The following DPYD variants were observed in gnomAD, a reference collection of about 807,000 sequenced individuals.
The protein encoded by DPYD is dihydropyrimidine dehydrogenase.
In DPYD, 109 loss-of-function variants were observed where a neutral mutation model predicts 116.2. The observed-to-expected ratio is 0.94, with a 90% CI of 0.80 to 1.10. The LOEUF (loss-of-function observed/expected upper bound fraction) is 1.10. Ranked by LOEUF, DPYD falls within the 50% of genes least tolerant of loss-of-function variation. The pLI, the probability that DPYD is intolerant of heterozygous loss-of-function variation, is 0.00. For synonymous variants in DPYD, 440 were observed against 432.0 expected, an observed-to-expected ratio of 1.02 and a Z score of -0.23; for missense variants, 1,302 against 1,254.5, an observed-to-expected ratio of 1.04 and a Z score of -0.57.
In DPYD at chr1:97,078,980, C is replaced by T. The variant is rs1229277773; in HGVS notation, c.3074G>A (p.Cys1025Tyr). Residue 1025 changes from cysteine (C) to tyrosine (Y), a missense_variant, in exon 23 of 23, where the codon TGT becomes TAT. Transcript: ENST00000370192. Reference protein sequence around the residue: ...RGVPLSVNPVC With the variant: ...RGVPLSVNPVY ...GCAACTGTTTCACAAATCACCTTAACACACCGGATTCACAGATAAGGGTAC... is the reference window on the plus strand; with the variant it reads ...GCAACTGTTTCACAAATCACCTTAATACACCGGATTCACAGATAAGGGTAC... 1.2e-6 allele frequency: 2 copies of T among 1,613,580 alleles called. No homozygotes were observed. The highest frequency in any genetic ancestry group is 3.3e-5 in the Admixed American group (2 of 59,998).
intron 10 of DPYD, among the ~76,000 whole-genome samples, chr1:97,584,448 C>T (rs139725653): frequency 0.02 from 3,084 of 152,002 alleles, 97 homozygotes; most frequent in African/African-American, 0.07. Context: ...GCTTTTGTTG[C>T]CATTGTTTTT....
chr1:97,607,800 C>A (rs189406734), intron 8 of DPYD, among the ~76,000 whole-genome samples: 1 of 151,836 alleles, frequency 6.6e-6, no homozygotes, highest in African/African-American at 2.4e-5. Flanking sequence ...CATTATACAG[C>A]GCATAACACT....
At chr1:97,492,770 T>A (rs1220356399) in intron 13 of DPYD, among the ~76,000 whole-genome samples, 1 of 152,064 alleles carries the variant, frequency 6.6e-6, no homozygotes, top group African/African-American at 2.4e-5. Context: ...TTCAAAAAAA[T>A]GGAAACTCTT....
chr1:97,470,095 T>A (rs1269591569), intron 13 of DPYD, among the ~76,000 whole-genome samples: 1 of 152,204 alleles, frequency 6.6e-6, no homozygotes, highest in Non-Finnish European at 1.5e-5. Flanking sequence ...GATTAAGAGA[T>A]ACAGGTATAT....
intron 21 of DPYD, among the ~76,000 whole-genome samples, chr1:97,094,151 G>A (rs902598527): frequency 1.1e-4 from 17 of 151,794 alleles, no homozygotes; most frequent in Non-Finnish European, 2.1e-4. Context: ...TCACCTCCTG[G>A]ATTCTACTTC....
intron 3 of DPYD, among the ~76,000 whole-genome samples, chr1:97,776,190 T>C (rs115499708): frequency 0.024 from 3,702 of 152,286 alleles, 103 homozygotes; most frequent in South Asian, 0.045. Context: ...CCACTGATTG[T>C]ATTTTTCTTT....
At chr1:97,274,125 G>T (rs1478384834) in intron 18 of DPYD, among the ~76,000 whole-genome samples, 1 of 152,094 alleles carries the variant, frequency 6.6e-6, no homozygotes, top group African/African-American at 2.4e-5. Flanking sequence ...ATAAAAACGA[G>T]AAAATAAATA....
intron 3 of DPYD, among the ~76,000 whole-genome samples, chr1:97,745,832 C>T (rs1203254470): frequency 2.0e-5 from 3 of 152,022 alleles, no homozygotes; most frequent in Non-Finnish European, 4.4e-5. Flanking sequence ...ATCCCATCTA[C>T]GTACAAAAAC....
chr1:97,726,433 T>C (rs1468320215), intron 4 of DPYD, among the ~76,000 whole-genome samples: 1 of 151,586 alleles, frequency 6.6e-6, no homozygotes, highest in Non-Finnish European at 1.5e-5. Flanking sequence ...AGCAAACATA[T>C]TTAGTTCCTG....
At chr1:97,661,990 CTTTTTT>C (rs374466952) in intron 8 of DPYD, among the ~76,000 whole-genome samples, 4,626 of 116,458 alleles carry the variant, frequency 0.04, 151 homozygotes, top group African/African-American at 0.092. Flanking sequence ...TCCAAGTCAA[CTTTTTT>C]TTTTTTTTTT....
intron 2 of DPYD, among the ~76,000 whole-genome samples, chr1:97,842,052 T>A (rs1239868327): frequency 2.6e-5 from 4 of 151,880 alleles, no homozygotes; most frequent in African/African-American, 9.7e-5. Context: ...GGCCTGGATC[T>A]TCTCTAGTAG....
At chr1:97,755,384 C>T (rs1000842995) in intron 3 of DPYD, among the ~76,000 whole-genome samples, 28 of 152,258 alleles carry the variant, frequency 1.8e-4, no homozygotes, top group African/African-American at 6.3e-4. Context: ...TCTCCTAAAC[C>T]TTGGAAGACT....
intron 8 of DPYD, among the ~76,000 whole-genome samples, chr1:97,650,762 C>A (rs1482115496): frequency 3.3e-5 from 5 of 151,928 alleles, no homozygotes; most frequent in Admixed American, 2.6e-4. Flanking sequence ...TTTATCATTC[C>A]TATTATGAAT....
At chr1:97,289,426 C>T (rs1349912386) in intron 18 of DPYD, among the ~76,000 whole-genome samples, 2 of 152,024 alleles carry the variant, frequency 1.3e-5, no homozygotes, top group African/African-American at 2.4e-5. Flanking sequence ...AACATTGATG[C>T]AAAAATCCTC....
intron 11 of DPYD, among the ~76,000 whole-genome samples, chr1:97,566,445 C>A (rs1426114680): frequency 6.6e-6 from 1 of 152,052 alleles, no homozygotes. Flanking sequence ...GTGTATTATA[C>A]CGGACTGATT....
intron 7 of DPYD, among the ~76,000 whole-genome samples, chr1:97,688,693 T>G (rs1660864216): frequency 6.6e-6 from 1 of 152,094 alleles, no homozygotes; most frequent in South Asian, 2.1e-4. Context: ...AAAAAGTCTT[T>G]GCACATTTAA....
At chr1:97,713,368 G>A (rs575351432) in intron 5 of DPYD, among the ~76,000 whole-genome samples, 28 of 152,064 alleles carry the variant, frequency 1.8e-4, no homozygotes, top group South Asian at 6.2e-4. Context: ...ATGCGATTTC[G>A]TTAAATTTCA....
At chr1:97,120,721 C>G (rs1253653842) in intron 20 of DPYD, among the ~76,000 whole-genome samples, 1 of 152,188 alleles carries the variant, frequency 6.6e-6, no homozygotes. Context: ...AACCATGGGG[C>G]ACATACTAAG....
At chr1:97,582,668 T>C (rs555361828) in intron 10 of DPYD, among the ~76,000 whole-genome samples, 1 of 152,344 alleles carries the variant, frequency 6.6e-6, no homozygotes, top group African/African-American at 2.4e-5. Flanking sequence ...AAATTGACAT[T>C]CCTTCTTTTA....
Sources: allele counts gnomAD v4.1 joint callset (sites outside exome capture counted in the v4.1 genomes callset), GRCh38; gene constraint gnomAD v4.1.1; transcripts MANE v1.5; gene names NCBI Gene and HGNC (gene_info 2026-07-23, HGNC 2026-07-21).